FRYL: variants seen among roughly 807,000 people sequenced by gnomAD.
FRYL encodes the protein protein furry homolog-like.
In FRYL, 150 loss-of-function variants were observed where a neutral mutation model predicts 351.2. The ratio of observed to expected loss-of-function variants is 0.43; its 90% CI spans 0.37 to 0.49. The LOEUF is 0.49. Ranked by LOEUF, FRYL falls within the 20% of genes least tolerant of loss-of-function variation. The pLI is 0.00. For synonymous variants in FRYL, 1,153 were observed against 1,257.1 expected (o/e 0.92, Z 1.75); for missense variants, 3,036 against 3,619.3 (o/e 0.84, Z 4.13).
intron 50 of FRYL, 69 bp downstream of exon 50, chr4:48,531,082 TAAATC>T (rs1268261185): frequency 3.7e-5 from 38 of 1,020,200 alleles, no homozygotes; most frequent in East Asian, 3.1e-4. Flanking sequence ...CAATGTTTGT[TAAATC>T]AAAGAATGAA....
chr4:48,523,334 C>T (rs1278317781), intron 53 of FRYL, among the ~76,000 whole-genome samples: 1 of 152,092 alleles, frequency 6.6e-6, no homozygotes, highest in African/African-American at 2.4e-5. Flanking sequence ...AAATAATTTT[C>T]TTGACTTTCT....
At chr4:48,655,494 C>T (rs1243431616) in intron 3 of FRYL, among the ~76,000 whole-genome samples, 1 of 151,830 alleles carries the variant, frequency 6.6e-6, no homozygotes, top group Non-Finnish European at 1.5e-5. Context: ...TATATGTCAA[C>T]ATGCAAAATA....
intron 31 of FRYL, among the ~76,000 whole-genome samples, chr4:48,563,727 A>G (rs891417859): frequency 2.0e-5 from 3 of 151,474 alleles, no homozygotes; most frequent in Non-Finnish European, 4.4e-5. Flanking sequence ...AAAAAGGAGT[A>G]TACGGGAGGA....
At chr4:48,504,129 G>A (rs1720364816) in intron 60 of FRYL, among the ~76,000 whole-genome samples, 1 of 152,066 alleles carries the variant, frequency 6.6e-6, no homozygotes, top group Non-Finnish European at 1.5e-5. Context: ...GTGTGTGTGT[G>A]TGTATATATA....
chr4:48,548,644 A>G (rs1560581686), intron 40 of FRYL, 46 bp downstream of exon 40: 1 of 1,060,602 alleles, frequency 9.4e-7, no homozygotes, highest in Non-Finnish European at 1.4e-6. Context: ...CTTTTAAATT[A>G]TCATAAAAAT....
intron 53 of FRYL, among the ~76,000 whole-genome samples, chr4:48,525,163 G>T: frequency 7.1e-6 from 1 of 139,924 alleles, no homozygotes; most frequent in African/African-American, 2.8e-5. Flanking sequence ...ATTTTTAAAG[G>T]TATATATATA....
At chr4:48,528,377 C>A in intron 50 of FRYL, 41 bp from the exon 51 acceptor site, 1 of 1,532,488 alleles carries the variant, frequency 6.5e-7, no homozygotes, top group Non-Finnish European at 8.8e-7. Context: ...TCAAATATTT[C>A]AACATAAAAG....
At chr4:48,513,008 A>G (rs1273989346) in intron 56 of FRYL, among the ~76,000 whole-genome samples, 1 of 152,236 alleles carries the variant, frequency 6.6e-6, no homozygotes, top group Admixed American at 6.5e-5. Flanking sequence ...TTCATTTTCA[A>G]TGGTCAATTT....
chr4:48,777,932 T>A (rs1776201811), intron 1 of FRYL, among the ~76,000 whole-genome samples: 1 of 152,134 alleles, frequency 6.6e-6, no homozygotes, highest in Non-Finnish European at 1.5e-5. Flanking sequence ...CAGTCTGTAA[T>A]CCCAGCACTT....
intron 1 of FRYL, among the ~76,000 whole-genome samples, chr4:48,747,712 T>C (rs1772830595): frequency 1.3e-5 from 2 of 152,214 alleles, no homozygotes; most frequent in Admixed American, 6.5e-5. Flanking sequence ...TTCCAAATCA[T>C]GTTTTCAGCT....
At chr4:48,520,784 C>T (rs1276412976) in intron 55 of FRYL, 6 of 301,006 alleles carry the variant, frequency 2.0e-5, no homozygotes, top group East Asian at 1.1e-4. Flanking sequence ...CCCAGAGAAG[C>T]GTCTGTACAT....
At chr4:48,521,970 C>G (rs1001529936) in intron 54 of FRYL, among the ~76,000 whole-genome samples, 3 of 152,096 alleles carry the variant, frequency 2.0e-5, no homozygotes, top group African/African-American at 7.2e-5. Context: ...CCGAGTGGAG[C>G]AAATGGATCT....
chr4:48,571,214 A>C (rs1296635698), intron 26 of FRYL, among the ~76,000 whole-genome samples: 3 of 152,240 alleles, frequency 2.0e-5, no homozygotes, highest in Non-Finnish European at 4.4e-5. Flanking sequence ...AATTGAAGCA[A>C]TTAGTAAACT....
At chr4:48,526,367 C>G (rs1726235171) in intron 53 of FRYL, among the ~76,000 whole-genome samples, 1 of 152,132 alleles carries the variant, frequency 6.6e-6, no homozygotes, top group Non-Finnish European at 1.5e-5. Flanking sequence ...CTGAGCTCAG[C>G]TACAGAAATG....
At chr4:48,678,439 G>A (rs575083632) in intron 3 of FRYL, among the ~76,000 whole-genome samples, 2 of 150,138 alleles carry the variant, frequency 1.3e-5, no homozygotes, top group East Asian at 3.9e-4. Context: ...AACAAGGGAG[G>A]CGGAGGTTGC....
At chr4:48,540,216 AAAT>A in intron 46 of FRYL, 134 bp downstream of exon 46, 1 of 1,221,768 alleles carries the variant, frequency 8.2e-7, no homozygotes, top group Non-Finnish European at 1.1e-6. Context: ...GGCTTTTACC[AAAT>A]AATTTAAGCT....
In FRYL at chr4:48,557,074, G is replaced by A; in HGVS notation, c.4170C>T (p.Thr1390=). 1 of 1,606,602 alleles carries A rather than the reference G, an allele frequency of 6.2e-7. No homozygotes were observed. The highest frequency in any genetic ancestry group is 8.5e-7 in the Non-Finnish European group (1 of 1,176,620). ...LAWSEVENVW[T]TLADGWPKNL... ...TTTTGGGCCAGCCATCTGCAAGTGT[G>A]GTCCACACATTCTCCACCTCCGACC... Residue 1390 remains threonine, a synonymous_variant, in exon 35 of 64, where the codon ACC becomes ACT. Transcript: ENST00000358350.
At chr4:48,561,698 A>G (rs75165298) in intron 32 of FRYL, 62 bp from the exon 33 acceptor site, 14,600 of 1,260,868 alleles carry the variant, frequency 0.012, 107 homozygotes, top group Non-Finnish European at 0.014. Flanking sequence ...AAGTTTAACT[A>G]TAATTTTATA....
At chr4:48,564,190 C>T (rs1736204792) in intron 30 of FRYL, 88 bp from the exon 31 acceptor site, 1 of 1,264,898 alleles carries the variant, frequency 7.9e-7, no homozygotes, top group Non-Finnish European at 1.1e-6. Context: ...TAATATAGTG[C>T]ATATATTCAT....
Sources: allele counts gnomAD v4.1 joint callset (sites outside exome capture counted in the v4.1 genomes callset), GRCh38; gene constraint gnomAD v4.1.1; transcripts MANE v1.5; gene names NCBI Gene and HGNC (gene_info 2026-07-23, HGNC 2026-07-21).